Variants in DNMBP observed in about 807,000 individuals in gnomAD.
DNMBP encodes the protein dynamin-binding protein.
DNMBP carries 87 observed loss-of-function variants against 150.0 expected under a neutral mutation model. The observed-to-expected ratio is 0.58, with a 90% CI of 0.49 to 0.69. DNMBP has a LOEUF of 0.69. Ranked by LOEUF, DNMBP falls within the 30% of genes least tolerant of loss-of-function variation. The pLI is 0.00. For missense variants in DNMBP, 1,774 were observed against 1,949.0 expected, an observed-to-expected ratio of 0.91 and a Z score of 1.69; for synonymous variants, 711 against 750.4, an observed-to-expected ratio of 0.95 and a Z score of 0.86.
chr10:99,934,019 A>T (rs1413542494), intron 4 of DNMBP, among the ~76,000 whole-genome samples: 1 of 152,222 alleles, frequency 6.6e-6, no homozygotes, highest in Admixed American at 6.5e-5. Flanking sequence ...TACAGGCGTG[A>T]GCCACTGCGC....
chr10:99,922,502 GTTTTTTT>G (rs71189108), intron 4 of DNMBP, among the ~76,000 whole-genome samples: 127 of 78,786 alleles, frequency 1.6e-3, no homozygotes, highest in African/African-American at 5.9e-3. Flanking sequence ...AGCTGCTGCT[GTTTTTTT>G]TTTTTTTTTT....
In DNMBP at chr10:99,897,033, A is replaced by G. The variant is rs568449410; in HGVS notation, c.2921-636T>C. Among the ~76,000 whole-genome samples, 65 of 152,368 alleles carry G rather than the reference A, an allele frequency of 4.3e-4. 2 individuals carry two copies. Among genetic ancestry groups the G allele is most frequent in the African/African-American group, 1.6e-3 (65 of 41,594 alleles). ...GAGAGCTTTAGAAGCCACAGTCAAC[A>G]TCCCATCCTAATGCGGGTGACACAG... On this transcript the variant is annotated intron_variant, in intron 9 of 16. Coordinates refer to ENST00000324109, the MANE Select transcript of DNMBP (RefSeq NM_015221.4).
chr10:99,977,371 G>A (rs1458575441), intron 1 of DNMBP, among the ~76,000 whole-genome samples: 1 of 152,160 alleles, frequency 6.6e-6, no homozygotes, highest in Non-Finnish European at 1.5e-5. Context: ...ATCATAAATG[G>A]CTTCTATAAG....
At chr10:99,960,098 T>C (rs1340475825) in intron 3 of DNMBP, among the ~76,000 whole-genome samples, 7 of 152,166 alleles carry the variant, frequency 4.6e-5, no homozygotes, top group Non-Finnish European at 7.3e-5. Context: ...ATCTGTCTTA[T>C]TGTAGAAGAA....
rs149776832 is a variant in DNMBP, at chr10:99,976,805, A to G, written c.-10-4671T>C. The stretch of plus-strand genomic sequence containing the variant: ...TTTCTTAAAAAAAAAAACACCACAC[A>G]TAATGTCCTGCAAACTTCTTAGCCA... On this transcript the variant is annotated intron_variant, in intron 1 of 16. Coordinates refer to ENST00000324109, the MANE Select transcript of DNMBP (RefSeq NM_015221.4). 6.3e-3 allele frequency among the ~76,000 whole-genome samples: 966 copies of G among 152,174 alleles called. 6 individuals are homozygous for G. Among genetic ancestry groups the G allele is most frequent in the African/African-American group, 0.023 (944 of 41,496 alleles).
In DNMBP at chr10:99,879,290, ACTGT is replaced by A. The variant is rs2039327372; in HGVS notation, c.4548+517_4548+520del. Among the ~76,000 whole-genome samples, 3 of 151,852 alleles carry A rather than the reference ACTGT, an allele frequency of 2.0e-5. No individual in the cohort carries two copies. The East Asian group carries it at 5.8e-4, about 30-fold the overall frequency. On this transcript the variant is annotated intron_variant, in intron 16 of 16. Coordinates refer to ENST00000324109, the MANE Select transcript of DNMBP (RefSeq NM_015221.4). ...GACCAGCCTGGCCAACATGGTGAAG[ACTGT>A]CTCTACTGAAAATACAAAAATTAGC...
At chr10:99,896,236 T>A (rs896550336) in intron 10 of DNMBP, 31 bp downstream of exon 10, 2 of 1,608,780 alleles carry the variant, frequency 1.2e-6, no homozygotes, top group African/African-American at 1.3e-5. Context: ...CTGTCAAAGA[T>A]GCGCTAAGCC....
Position 99,959,609 on chromosome 10 carries a change from T to C in DNMBP, c.269-2404A>G, listed in dbSNP as rs192559458. 5.9e-5 allele frequency among the ~76,000 whole-genome samples: 9 copies of C among 152,026 alleles called. No homozygotes were observed. The East Asian group carries it at 1.7e-3, about 29-fold the overall frequency. On this transcript the variant is annotated intron_variant, in intron 3 of 16. Coordinates refer to ENST00000324109, the MANE Select transcript of DNMBP (RefSeq NM_015221.4). Reference sequence around the variant, plus strand: ...GGCTCACACCTGTAATTCCAGCACTTTGGGAGGCTGAGGTAGAAGGATTGC... The same window carrying C: ...GGCTCACACCTGTAATTCCAGCACTCTGGGAGGCTGAGGTAGAAGGATTGC...
chr10:99,976,094 G>A (rs1482247613), intron 1 of DNMBP, among the ~76,000 whole-genome samples: 1 of 152,188 alleles, frequency 6.6e-6, no homozygotes, highest in Admixed American at 6.5e-5. Context: ...TGCTAACAGT[G>A]TGAAAGCACC....
At chr10:99,935,855 G>A (rs950339134) in intron 4 of DNMBP, among the ~76,000 whole-genome samples, 57 of 152,200 alleles carry the variant, frequency 3.7e-4, no homozygotes, top group Admixed American at 1.8e-3. Context: ...GTGAGCCACC[G>A]CACCTGGCCT....
chr10:100,001,100 G>A (rs1419067162), intron 1 of DNMBP, among the ~76,000 whole-genome samples: 2 of 150,330 alleles, frequency 1.3e-5, no homozygotes, highest in East Asian at 2.0e-4. Context: ...GTGTGGTGGT[G>A]CGTGCCTGTA....
intron 4 of DNMBP, among the ~76,000 whole-genome samples, chr10:99,915,616 G>A (rs1248349357): frequency 6.6e-6 from 1 of 152,158 alleles, no homozygotes; most frequent in Non-Finnish European, 1.5e-5. Context: ...TCCGAAGGCT[G>A]AAGTGGGAGG....
chr10:99,960,469 T>C (rs552998385), intron 3 of DNMBP, among the ~76,000 whole-genome samples: 42 of 152,194 alleles, frequency 2.8e-4, no homozygotes, highest in South Asian at 8.3e-4. Context: ...ATTGGAAAAC[T>C]GGGTTATCTT....
chr10:99,959,634 C>CT (rs1438650938), intron 3 of DNMBP, among the ~76,000 whole-genome samples: 2 of 151,974 alleles, frequency 1.3e-5, no homozygotes, highest in African/African-American at 4.8e-5. Context: ...AGAAGGATTG[C>CT]TGGAGCAGAA....
chr10:99,909,160 G>A lies in DNMBP; in HGVS notation c.2261-14C>T, dbSNP rs1293521400. 2 of 1,609,232 alleles carry A rather than the reference G, an allele frequency of 1.2e-6. No individual in the cohort carries two copies. The highest frequency in any genetic ancestry group is 1.7e-5 in the Admixed American group (1 of 59,344). On this transcript the variant is annotated splice_polypyrimidine_tract_variant and intron_variant, in intron 4 of 16. Coordinates refer to ENST00000324109, the MANE Select transcript of DNMBP (RefSeq NM_015221.4). ...GGAGCGTCATTTCTAGAAGGGAAAA[G>A]AGAACTGGTTAGCAGCTCTGGGTGT...
intron 4 of DNMBP, among the ~76,000 whole-genome samples, chr10:99,951,811 T>A (rs1361989494): frequency 6.6e-6 from 1 of 152,076 alleles, no homozygotes; most frequent in Non-Finnish European, 1.5e-5. Flanking sequence ...AGATGAGACG[T>A]CGAACTGTGG....
At position 99,900,400 on chromosome 10, in the gene DNMBP, G is replaced by A. The variant is rs183351929; in HGVS notation, c.2555-334C>T. ...ACTCAGGTCGGTCCCTAGTAGCTGGGACCACGTGTGCATGCCACCATGCCC... is the reference window on the plus strand; with the variant it reads ...ACTCAGGTCGGTCCCTAGTAGCTGGAACCACGTGTGCATGCCACCATGCCC... On this transcript the variant is annotated intron_variant, in intron 6 of 16. Coordinates refer to ENST00000324109, the MANE Select transcript of DNMBP (RefSeq NM_015221.4). 1.1e-4 allele frequency among the ~76,000 whole-genome samples: 16 copies of A among 150,970 alleles called. 1 individual carries two copies. The East Asian group carries it at 2.8e-3, about 27-fold the overall frequency.
intron 4 of DNMBP, among the ~76,000 whole-genome samples, chr10:99,916,655 T>C (rs1174953070): frequency 6.7e-6 from 1 of 149,238 alleles, no homozygotes; most frequent in African/African-American, 2.5e-5. Flanking sequence ...TTTTTCTACT[T>C]AAAAAAAAAA....
At chr10:99,929,219 A>G (rs1422139947) in intron 4 of DNMBP, among the ~76,000 whole-genome samples, 2 of 148,972 alleles carry the variant, frequency 1.3e-5, no homozygotes, top group African/African-American at 2.5e-5. Context: ...GACTGAGAGA[A>G]AAAAAAAAAA....
Sources: gnomAD v4.1 joint callset for allele counts (sites outside exome capture counted in the v4.1 genomes callset) on GRCh38, gnomAD v4.1.1 for gene constraint, MANE v1.5 for transcripts, NCBI Gene and HGNC (gene_info 2026-07-23, HGNC 2026-07-21) for gene names.